CDH8: variants seen among roughly 807,000 people sequenced by gnomAD.
The protein encoded by CDH8 is cadherin 8.
Under a neutral mutation model 68.1 loss-of-function variants are expected in CDH8, and 17 were observed. That is an observed-to-expected ratio of 0.25 (90% confidence interval 0.17 to 0.37). The LOEUF (loss-of-function observed/expected upper bound fraction) is 0.37, where lower values mean the gene tolerates loss of function less well. Among genes scored for constraint, CDH8 ranks in the 10% least tolerant of loss-of-function variants. CDH8 has a pLI of 1.00. For synonymous variants in CDH8, 372 were observed against 365.1 expected, an observed-to-expected ratio of 1.02 and a Z score of -0.21; for missense variants, 763 against 999.3, an observed-to-expected ratio of 0.76 and a Z score of 3.19.
intron 5 of CDH8, among the ~76,000 whole-genome samples, chr16:61,822,113 T>C (rs1962226705): frequency 6.6e-6 from 1 of 151,740 alleles, no homozygotes; most frequent in African/African-American, 2.4e-5. Flanking sequence ...TTTGAGTTTT[T>C]TCTTTTCTTT....
At chr16:61,718,242 G>T (rs982468641) in intron 9 of CDH8, among the ~76,000 whole-genome samples, 1 of 151,398 alleles carries the variant, frequency 6.6e-6, no homozygotes, top group East Asian at 1.9e-4. Context: ...GAAGGTTCTT[G>T]ATTGATTCTA....
chr16:61,799,902 CT>C (rs980931953), intron 7 of CDH8, among the ~76,000 whole-genome samples: 1 of 152,098 alleles, frequency 6.6e-6, no homozygotes, highest in East Asian at 1.9e-4. Context: ...TCTATTAACT[CT>C]TTTCCCCCCC....
At chr16:61,929,829 G>A (rs1160043040) in intron 2 of CDH8, among the ~76,000 whole-genome samples, 6 of 152,106 alleles carry the variant, frequency 3.9e-5, no homozygotes, top group African/African-American at 1.4e-4. Flanking sequence ...GTTAGAGGCT[G>A]CAGTGAGCTA....
chr16:61,862,372 G>T (rs1963167308), intron 3 of CDH8, among the ~76,000 whole-genome samples: 1 of 152,100 alleles, frequency 6.6e-6, no homozygotes, highest in Non-Finnish European at 1.5e-5. Flanking sequence ...TGAATGGATG[G>T]CATTTTGAAT....
chr16:61,829,537 G>A (rs1962412600), intron 4 of CDH8, among the ~76,000 whole-genome samples: 1 of 151,828 alleles, frequency 6.6e-6, no homozygotes. Flanking sequence ...GTCCAGGCCT[G>A]CTCCTTAAGA....
At chr16:61,701,985 C>A (rs940537071) in intron 10 of CDH8, among the ~76,000 whole-genome samples, 4 of 152,134 alleles carry the variant, frequency 2.6e-5, no homozygotes, top group African/African-American at 9.7e-5. Flanking sequence ...TTTTTCTATA[C>A]CTTCGTTAAA....
intron 6 of CDH8, among the ~76,000 whole-genome samples, chr16:61,818,935 CTT>C (rs34723976): frequency 7.1e-5 from 9 of 127,596 alleles, no homozygotes; most frequent in African/African-American, 8.9e-5. Context: ...GACTTGGCTC[CTT>C]TTTTTTTTTT....
At chr16:61,853,749 C>G (rs576382898) in intron 4 of CDH8, among the ~76,000 whole-genome samples, 3 of 152,168 alleles carry the variant, frequency 2.0e-5, no homozygotes, top group Admixed American at 6.6e-5. Flanking sequence ...CTTTCTTTTA[C>G]TAGAATTTGG....
At chr16:62,032,076 A>C (rs2150623381) in intron 1 of CDH8, 1 of 152,318 alleles carries the variant, frequency 6.6e-6, no homozygotes, top group African/African-American at 2.4e-5. Flanking sequence ...GCTAAATCGG[A>C]TGATGGCCTT....
At chr16:61,859,697 G>A (rs1335770986) in intron 3 of CDH8, among the ~76,000 whole-genome samples, 4 of 152,184 alleles carry the variant, frequency 2.6e-5, no homozygotes, top group African/African-American at 9.6e-5. Context: ...GATCTTTGTG[G>A]TAAGGTGTTA....
At chr16:61,917,575 C>T (rs1964263695) in intron 2 of CDH8, among the ~76,000 whole-genome samples, 1 of 152,150 alleles carries the variant, frequency 6.6e-6, no homozygotes, top group African/African-American at 2.4e-5. Flanking sequence ...TGGAGATAGG[C>T]TCATCATGAA....
intron 2 of CDH8, among the ~76,000 whole-genome samples, chr16:62,019,037 T>G (rs1902010261): frequency 6.6e-6 from 1 of 152,188 alleles, no homozygotes; most frequent in Non-Finnish European, 1.5e-5. Flanking sequence ...GTTTTGTTAT[T>G]TACATTATGC....
intron 3 of CDH8, among the ~76,000 whole-genome samples, chr16:61,866,875 A>C (rs1412929304): frequency 6.6e-6 from 1 of 152,196 alleles, no homozygotes; most frequent in East Asian, 1.9e-4. Context: ...TTTATTTAAC[A>C]AAGTATAAAT....
chr16:61,978,222 A>G (rs545833372), intron 2 of CDH8, among the ~76,000 whole-genome samples: 1 of 152,178 alleles, frequency 6.6e-6, no homozygotes, highest in African/African-American at 2.4e-5. Flanking sequence ...CTGAAACACA[A>G]TGTTCTCATT....
At chr16:61,846,755 A>G (rs74683638) in intron 4 of CDH8, among the ~76,000 whole-genome samples, 1,806 of 152,264 alleles carry the variant, frequency 0.012, 34 homozygotes, top group African/African-American at 0.041. Context: ...TTTGTGATCA[A>G]TAAATGGTAA....
intron 2 of CDH8, among the ~76,000 whole-genome samples, chr16:62,005,308 A>G (rs903015135): frequency 6.6e-6 from 1 of 152,178 alleles, no homozygotes; most frequent in Non-Finnish European, 1.5e-5. Context: ...ATATTCTTGC[A>G]TGTGTGGTTT....
At chr16:61,888,769 A>G (rs532792323) in intron 3 of CDH8, among the ~76,000 whole-genome samples, 1 of 152,292 alleles carries the variant, frequency 6.6e-6, no homozygotes, top group South Asian at 2.1e-4. Flanking sequence ...AGAAGGAATA[A>G]TGTACAGACA....
intron 9 of CDH8, among the ~76,000 whole-genome samples, chr16:61,716,976 A>G (rs985241363): frequency 2.6e-5 from 4 of 151,698 alleles, no homozygotes; most frequent in African/African-American, 9.7e-5. Flanking sequence ...ACCTTCACAG[A>G]GGCAGGTTGT....
At chr16:61,813,912 C>G (rs543777081) in intron 7 of CDH8, among the ~76,000 whole-genome samples, 1 of 152,084 alleles carries the variant, frequency 6.6e-6, no homozygotes, top group African/African-American at 2.4e-5. Context: ...GAAAATAAGA[C>G]TAAATGAGAT....
Sources: gnomAD v4.1 joint callset for allele counts (sites outside exome capture counted in the v4.1 genomes callset) on GRCh38, gnomAD v4.1.1 for gene constraint, MANE v1.5 for transcripts, NCBI Gene and HGNC (gene_info 2026-07-23, HGNC 2026-07-21) for gene names.